The following HSPBAP1 variants were observed in gnomAD, a reference collection of about 807,000 sequenced individuals.
HSPBAP1 encodes the protein HSPB1-associated protein 1.
A neutral mutation model predicts 45.2 loss-of-function variants in HSPBAP1; 27 were observed. That is an observed-to-expected ratio of 0.60 (90% CI 0.44 to 0.82). The LOEUF is 0.82. Among genes scored for constraint, HSPBAP1 ranks in the 40% least tolerant of loss-of-function variants. The pLI, the probability that HSPBAP1 is intolerant of heterozygous loss-of-function variation, is 0.00. For synonymous variants in HSPBAP1, 204 were observed against 202.7 expected (o/e 1.01, Z -0.06); for missense variants, 510 against 590.9 (o/e 0.86, Z 1.42).
At position 122,791,690 on chromosome 3, in the gene HSPBAP1, G is replaced by A. The variant is rs1426113191; in HGVS notation, c.64+1927C>T. On this transcript the variant is annotated intron_variant, in intron 1 of 7. Coordinates refer to ENST00000306103, the MANE Select transcript of HSPBAP1 (RefSeq NM_024610.6). ...AGTTTGATCTGGTAAGGTCTCAGGTGGTGACATACTTTAAAAGCTAAAGAT... is the reference window on the plus strand; with the variant it reads ...AGTTTGATCTGGTAAGGTCTCAGGTAGTGACATACTTTAAAAGCTAAAGAT... Among the ~76,000 whole-genome samples, 5 of 152,126 alleles carry A rather than the reference G, an allele frequency of 3.3e-5. No homozygotes were observed. The East Asian group carries it at 9.6e-4, about 29-fold the overall frequency.
intron 3 of HSPBAP1, among the ~76,000 whole-genome samples, chr3:122,765,792 A>G (rs754912381): frequency 1.3e-5 from 2 of 152,210 alleles, no homozygotes; most frequent in Non-Finnish European, 2.9e-5. Context: ...ATAACATTAC[A>G]TAAGATCCAT....
chr3:122,744,528 T>C (rs1372150814), intron 6 of HSPBAP1, among the ~76,000 whole-genome samples: 1 of 152,244 alleles, frequency 6.6e-6, no homozygotes, highest in East Asian at 1.9e-4. Context: ...TTCCAGTTTT[T>C]CAATAAACAT....
chr3:122,740,933 CAT>C, intron 7 of HSPBAP1, 58 bp from the exon 8 acceptor site: 1 of 1,606,732 alleles, frequency 6.2e-7, no homozygotes. Flanking sequence ...CACTGGAAAA[CAT>C]ATGTTCTAGT....
chr3:122,753,891 A>T, intron 5 of HSPBAP1: 1 of 985,324 alleles, frequency 1.0e-6, no homozygotes, highest in South Asian at 4.7e-5. Flanking sequence ...CAATCACTCA[A>T]ATTTGGCTAT....
chr3:122,777,556 G>A (rs1368225507), intron 2 of HSPBAP1, among the ~76,000 whole-genome samples, 165 bp downstream of exon 2: 1 of 152,068 alleles, frequency 6.6e-6, no homozygotes, highest in African/African-American at 2.4e-5. Context: ...AAACACTTAA[G>A]CCAAACTGTT....
chr3:122,753,425 T>C (rs920546871), intron 5 of HSPBAP1: 2 of 980,312 alleles, frequency 2.0e-6, no homozygotes, highest in African/African-American at 3.5e-5. Context: ...CTAGGAGTTG[T>C]TGAGAAATTC....
At chr3:122,792,780 A>C (rs939988111) in intron 1 of HSPBAP1, among the ~76,000 whole-genome samples, 1 of 152,116 alleles carries the variant, frequency 6.6e-6, no homozygotes, top group Non-Finnish European at 1.5e-5. Context: ...CTGAGGCAGA[A>C]GAATTGCTTG....
intron 5 of HSPBAP1, chr3:122,753,127 A>C: frequency 5.0e-6 from 2 of 403,596 alleles, no homozygotes; most frequent in Non-Finnish European, 6.7e-6. Flanking sequence ...AAATCAGGGG[A>C]CAATGGTGTT....
At chr3:122,755,175 A>AG in intron 5 of HSPBAP1, 85 bp downstream of exon 5, 1 of 1,277,318 alleles carries the variant, frequency 7.8e-7, no homozygotes, top group Non-Finnish European at 1.0e-6. Flanking sequence ...CTGCGCAGGG[A>AG]GGGGAAGCAC....
intron 6 of HSPBAP1, among the ~76,000 whole-genome samples, chr3:122,747,946 A>T (rs1450599816): frequency 2.6e-5 from 4 of 151,950 alleles, no homozygotes; most frequent in Non-Finnish European, 4.4e-5. Context: ...GAAAGGGGGG[A>T]ACGGTGGGGA....
At chr3:122,757,768 T>C (rs550332536) in intron 4 of HSPBAP1, among the ~76,000 whole-genome samples, 1 of 152,370 alleles carries the variant, frequency 6.6e-6, no homozygotes, top group East Asian at 1.9e-4. Context: ...ATATTAACTT[T>C]ATATCATAGA....
chr3:122,779,853 G>C (rs1438627465), intron 1 of HSPBAP1, among the ~76,000 whole-genome samples: 2 of 151,978 alleles, frequency 1.3e-5, no homozygotes, highest in Non-Finnish European at 1.5e-5. Context: ...GGATACCAAG[G>C]CAGAAGAATT....
At chr3:122,747,526 G>T (rs569940234) in intron 6 of HSPBAP1, among the ~76,000 whole-genome samples, 1 of 149,840 alleles carries the variant, frequency 6.7e-6, no homozygotes, top group African/African-American at 2.5e-5. Flanking sequence ...GCCCCGTCTC[G>T]GAGGGAGGTG....
intron 3 of HSPBAP1, among the ~76,000 whole-genome samples, chr3:122,764,986 T>C (rs1027817579): frequency 1.3e-5 from 2 of 152,216 alleles, no homozygotes; most frequent in Non-Finnish European, 2.9e-5. Context: ...AGTTGTAACA[T>C]GTCTTGGACT....
At chr3:122,748,061 C>G (rs1933977758) in intron 6 of HSPBAP1, among the ~76,000 whole-genome samples, 1 of 152,184 alleles carries the variant, frequency 6.6e-6, no homozygotes, top group African/African-American at 2.4e-5. Flanking sequence ...GCCTTGGGAT[C>G]CTGTTGATCT....
At position 122,771,283 on chromosome 3, in the gene HSPBAP1, T is replaced by C. The variant is rs1197236340; in HGVS notation, c.251-2401A>G. Among the ~76,000 whole-genome samples, 5 of 152,258 alleles carry C rather than the reference T, an allele frequency of 3.3e-5. No homozygotes were observed. In the East Asian group the frequency reaches 9.6e-4, roughly 29 times the overall value. ...TTTTGTTATAATGACAATTTCTTTCTGGGTAGTACAGTTGTTATTCTTAGT... is the reference window on the plus strand; with the variant it reads ...TTTTGTTATAATGACAATTTCTTTCCGGGTAGTACAGTTGTTATTCTTAGT... On this transcript the variant is annotated intron_variant, in intron 2 of 7. Transcript: ENST00000306103.
At chr3:122,742,462 GT>G (rs990756171) in intron 6 of HSPBAP1, among the ~76,000 whole-genome samples, 6 of 152,168 alleles carry the variant, frequency 3.9e-5, no homozygotes, top group African/African-American at 1.4e-4. Flanking sequence ...TACATTGCTG[GT>G]GGGAATGTAA....
chr3:122,780,954 A>G (rs1340541050), intron 1 of HSPBAP1, among the ~76,000 whole-genome samples: 1 of 109,412 alleles, frequency 9.1e-6, no homozygotes, highest in Non-Finnish European at 2.0e-5. Context: ...ATCTCAGACG[A>G]TGGGCGGCCG....
chr3:122,750,641 G>A (rs1220372410), intron 6 of HSPBAP1, among the ~76,000 whole-genome samples: 1 of 152,060 alleles, frequency 6.6e-6, no homozygotes, highest in Non-Finnish European at 1.5e-5. Flanking sequence ...ATTTAGAGCT[G>A]AGATCTCAGT....
Sources: gnomAD v4.1 joint callset for allele counts (sites outside exome capture counted in the v4.1 genomes callset) on GRCh38, gnomAD v4.1.1 for gene constraint, MANE v1.5 for transcripts, NCBI Gene and HGNC (gene_info 2026-07-23, HGNC 2026-07-21) for gene names.